The following DENND6A variants were observed in gnomAD, a reference collection of about 807,000 sequenced individuals.
DENND6A encodes the protein protein DENND6A.
In DENND6A, 43 loss-of-function variants were observed where a neutral mutation model predicts 95.5. The observed-to-expected ratio is 0.45, with a 90% CI of 0.35 to 0.58. DENND6A has a LOEUF of 0.58. DENND6A is among the 20% of genes least tolerant of loss of function. The probability of loss-of-function intolerance (pLI) is 0.00; values close to 1 mark genes in which losing one functional copy is unlikely to be tolerated. For missense variants in DENND6A, 574 were observed against 736.0 expected (o/e 0.78, Z 2.55); for synonymous variants, 257 against 260.4 (o/e 0.99, Z 0.13).
chr3:57,685,907 A>G (rs1205662285), intron 1 of DENND6A, among the ~76,000 whole-genome samples: 3 of 152,184 alleles, frequency 2.0e-5, no homozygotes, highest in Admixed American at 1.3e-4. Flanking sequence ...AAGTCCTCAG[A>G]CCACATTTTG....
chr3:57,664,567 G>A (rs1000987736), intron 4 of DENND6A, among the ~76,000 whole-genome samples: 1 of 152,194 alleles, frequency 6.6e-6, no homozygotes. Flanking sequence ...AGGTGCAGTG[G>A]CTCATGCCTG....
chr3:57,648,620 T>C (rs1280968347), intron 9 of DENND6A, among the ~76,000 whole-genome samples: 1 of 152,130 alleles, frequency 6.6e-6, no homozygotes, highest in East Asian at 1.9e-4. Context: ...CAAACTACAC[T>C]GTAAAGCCAT....
intron 12 of DENND6A, among the ~76,000 whole-genome samples, chr3:57,637,523 C>A (rs2070821144): frequency 6.6e-6 from 1 of 152,004 alleles, no homozygotes; most frequent in Non-Finnish European, 1.5e-5. Context: ...ATTTTACTGA[C>A]CCTGCCAGAT....
chr3:57,674,176 A>T (rs1009111696), intron 1 of DENND6A, among the ~76,000 whole-genome samples: 7 of 151,900 alleles, frequency 4.6e-5, no homozygotes, highest in Admixed American at 3.3e-4. Flanking sequence ...AGGGCAGGAG[A>T]TCGAGACCAT....
chr3:57,650,704 T>G (rs1463003623), intron 9 of DENND6A, among the ~76,000 whole-genome samples: 1 of 151,828 alleles, frequency 6.6e-6, no homozygotes, highest in Non-Finnish European at 1.5e-5. Context: ...GTAGCATTAT[T>G]CATAATAACC....
intron 9 of DENND6A, chr3:57,654,748 T>TA (rs995982436): frequency 1.0e-6 from 1 of 985,246 alleles, no homozygotes; most frequent in Non-Finnish European, 1.2e-6. Flanking sequence ...AAGGAGCGCC[T>TA]ACACTCAACT....
chr3:57,689,312 C>T (rs963667696), intron 1 of DENND6A, among the ~76,000 whole-genome samples: 3 of 140,600 alleles, frequency 2.1e-5, no homozygotes, highest in East Asian at 2.0e-4. Flanking sequence ...ATTATTCACT[C>T]AGAAAAAAAA....
At chr3:57,632,571 A>C (rs1021792774) in intron 15 of DENND6A, among the ~76,000 whole-genome samples, 1 of 152,178 alleles carries the variant, frequency 6.6e-6, no homozygotes, top group East Asian at 1.9e-4. Context: ...CCAAGAAATA[A>C]TATTTCTTTC....
chr3:57,665,914 G>A (rs938534696), intron 4 of DENND6A: 7 of 444,656 alleles, frequency 1.6e-5, no homozygotes, highest in African/African-American at 1.4e-4. Context: ...AAATCACAGT[G>A]ACATTATGTT....
chr3:57,669,790 G>A (rs182678454), intron 3 of DENND6A, among the ~76,000 whole-genome samples: 2 of 151,660 alleles, frequency 1.3e-5, no homozygotes, highest in Admixed American at 1.3e-4. Context: ...GGAAGCCTGA[G>A]GCAGGCGAAT....
At position 57,650,138 on chromosome 3, in the gene DENND6A, G is replaced by A. The variant is rs1490616141; in HGVS notation, c.819-3700C>T. On this transcript the variant is annotated intron_variant, in intron 9 of 19. Coordinates refer to ENST00000311128, the MANE Select transcript of DENND6A (RefSeq NM_152678.3). ...TACTATGAACTTTGGGAACTCAGTG[G>A]GGAAAGGGAGGGAGGGGGTGAGGGA... is the stretch of plus-strand genomic sequence containing the variant. Among the ~76,000 whole-genome samples the A allele has an allele frequency of 3.3e-5, 5 of 152,024 alleles. No individual in the cohort carries two copies. The South Asian group carries it at 6.2e-4, about 19-fold the overall frequency.
chr3:57,682,293 A>G (rs1343568201), intron 1 of DENND6A, among the ~76,000 whole-genome samples: 1 of 148,542 alleles, frequency 6.7e-6, no homozygotes, highest in Non-Finnish European at 1.5e-5. Context: ...AAAAAAAAAA[A>G]AAAAAAAAAA....
intron 1 of DENND6A, among the ~76,000 whole-genome samples, chr3:57,686,025 T>G (rs1303859184): frequency 6.6e-6 from 1 of 152,220 alleles, no homozygotes; most frequent in African/African-American, 2.4e-5. Flanking sequence ...TGATTCTGAT[T>G]AAGCAGATGG....
intron 1 of DENND6A, among the ~76,000 whole-genome samples, chr3:57,673,152 T>C (rs2071646323): frequency 7.5e-6 from 1 of 132,610 alleles, no homozygotes; most frequent in African/African-American, 2.8e-5. Flanking sequence ...AGACGGAGGT[T>C]GCAGTGAGCT....
chr3:57,654,558 T>C (rs891671673), intron 9 of DENND6A: 19 of 890,884 alleles, frequency 2.1e-5, no homozygotes, highest in South Asian at 1.0e-4. Flanking sequence ...TAGGAACAAA[T>C]AGCAAATATC....
rs1385431082 is a variant in DENND6A at position 57,646,213 on chromosome 3, G to A, written c.941+103C>T. ...TGCATGGATCAATGCAATAATGGGTGGGGAAAAATACGACAGGTGGGAAGT... is the reference window on the plus strand; with the variant it reads ...TGCATGGATCAATGCAATAATGGGTAGGGAAAAATACGACAGGTGGGAAGT... On this transcript the variant is annotated intron_variant, in intron 10 of 19. Coordinates refer to ENST00000311128, the MANE Select transcript of DENND6A (RefSeq NM_152678.3). The A allele has an allele frequency of 6.9e-6, 10 of 1,458,604 alleles. No homozygotes were observed. The South Asian group carries it at 1.3e-4, about 18-fold the overall frequency. 90.4% of individuals were successfully genotyped at this position (1,458,604 alleles called of 1,614,324 possible).
chr3:57,688,456 C>A (rs12629424), intron 1 of DENND6A, among the ~76,000 whole-genome samples: 24,601 of 152,034 alleles, frequency 0.16, 2,669 homozygotes, highest in East Asian at 0.48. Context: ...GCTAGCGAAA[C>A]CTTGTCTCCT....
intron 6 of DENND6A, 36 bp from the exon 7 acceptor site, chr3:57,660,875 T>C: frequency 1.3e-6 from 2 of 1,514,874 alleles, no homozygotes; most frequent in Non-Finnish European, 1.8e-6. Context: ...TTAGAATAAG[T>C]GAAAATATCA....
chr3:57,690,710 G>A (rs1044347654), intron 1 of DENND6A, among the ~76,000 whole-genome samples: 1 of 150,838 alleles, frequency 6.6e-6, no homozygotes, highest in Non-Finnish European at 1.5e-5. Flanking sequence ...AATCAGAGAA[G>A]GGGAAGAAGG....
Sources: allele counts gnomAD v4.1 joint callset (sites outside exome capture counted in the v4.1 genomes callset), GRCh38; gene constraint gnomAD v4.1.1; transcripts MANE v1.5; gene names NCBI Gene and HGNC (gene_info 2026-07-23, HGNC 2026-07-21).